Variants in CTNND2 observed in about 807,000 individuals in gnomAD.
The protein encoded by CTNND2 is catenin delta 2.
Under a neutral mutation model 144.4 loss-of-function variants are expected in CTNND2, and 22 were observed. The ratio of observed to expected loss-of-function variants is 0.15; its 90% confidence interval spans 0.11 to 0.22. The LOEUF is 0.22. Among genes scored for constraint, CTNND2 ranks in the 10% least tolerant of loss-of-function variants. The probability of loss-of-function intolerance (pLI) is 1.00; values close to 1 mark genes in which losing one functional copy is unlikely to be tolerated. For missense variants in CTNND2, 1,353 were observed against 1,618.8 expected (o/e 0.84, Z 2.82); for synonymous variants, 751 against 695.6 (o/e 1.08, Z -1.25).
intron 16 of CTNND2, among the ~76,000 whole-genome samples, chr5:11,045,703 G>A (rs1261586427): frequency 6.6e-6 from 1 of 152,098 alleles, no homozygotes; most frequent in Non-Finnish European, 1.5e-5. Flanking sequence ...AATCTAGGAT[G>A]ATCTCATCTC....
intron 11 of CTNND2, among the ~76,000 whole-genome samples, chr5:11,189,881 TG>T (rs919072469): frequency 2.0e-4 from 31 of 152,316 alleles, no homozygotes; most frequent in African/African-American, 7.5e-4. Flanking sequence ...GTTAAAGGTG[TG>T]GATTTCCTAA....
chr5:11,534,815 C>T (rs3846600), intron 3 of CTNND2, among the ~76,000 whole-genome samples: 63,075 of 151,922 alleles, frequency 0.42, 13,863 homozygotes, highest in Middle Eastern at 0.59. Flanking sequence ...AGTTTTTCCT[C>T]GAAGACTTTG....
chr5:11,253,876 G>T (rs995977378), intron 9 of CTNND2, among the ~76,000 whole-genome samples: 16 of 152,180 alleles, frequency 1.1e-4, no homozygotes, highest in Non-Finnish European at 2.9e-5. Flanking sequence ...ATTTGAAACA[G>T]ATATTTTCTT....
At chr5:11,366,307 T>C (rs1351863292) in intron 7 of CTNND2, among the ~76,000 whole-genome samples, 1 of 152,234 alleles carries the variant, frequency 6.6e-6, no homozygotes, top group Admixed American at 6.5e-5. Flanking sequence ...ACTTTAAATT[T>C]AAGTACACAG....
chr5:11,784,306 AT>A (rs1221606238), intron 1 of CTNND2, among the ~76,000 whole-genome samples: 1 of 152,258 alleles, frequency 6.6e-6, no homozygotes, highest in Non-Finnish European at 1.5e-5. Flanking sequence ...CTTGTGAAAA[AT>A]AACTTGATTT....
chr5:11,293,141 C>T (rs545093305), intron 9 of CTNND2, among the ~76,000 whole-genome samples: 1 of 152,274 alleles, frequency 6.6e-6, no homozygotes, highest in East Asian at 1.9e-4. Flanking sequence ...GCACCTAGTT[C>T]AAGGTCACTC....
intron 16 of CTNND2, among the ~76,000 whole-genome samples, chr5:11,075,014 A>G (rs1418877519): frequency 1.3e-5 from 2 of 151,570 alleles, no homozygotes; most frequent in East Asian, 3.9e-4. Flanking sequence ...CATGTGGGGA[A>G]AGGAATAGCA....
At chr5:11,612,419 T>A (rs1780376202) in intron 2 of CTNND2, among the ~76,000 whole-genome samples, 1 of 152,226 alleles carries the variant, frequency 6.6e-6, no homozygotes, top group Non-Finnish European at 1.5e-5. Flanking sequence ...AAATTACTAA[T>A]GGCCTAAATA....
chr5:11,119,698 TG>T (rs1753886991), intron 12 of CTNND2, among the ~76,000 whole-genome samples: 1 of 152,248 alleles, frequency 6.6e-6, no homozygotes, highest in South Asian at 2.1e-4. Context: ...CAGACCTCTT[TG>T]GCCAGAAGAA....
intron 3 of CTNND2, among the ~76,000 whole-genome samples, chr5:11,558,215 T>C (rs1776381176): frequency 6.6e-6 from 1 of 152,212 alleles, no homozygotes; most frequent in Admixed American, 6.5e-5. Context: ...CCATGGCAGG[T>C]ACCATCTTGG....
intron 3 of CTNND2, among the ~76,000 whole-genome samples, chr5:11,506,651 C>G (rs1771064521): frequency 6.6e-6 from 1 of 152,162 alleles, no homozygotes; most frequent in South Asian, 2.1e-4. Context: ...CCCATAACAC[C>G]ATGCTGTTTA....
At chr5:11,431,495 A>G (rs1448305612) in intron 3 of CTNND2, among the ~76,000 whole-genome samples, 1 of 152,220 alleles carries the variant, frequency 6.6e-6, no homozygotes, top group Non-Finnish European at 1.5e-5. Context: ...GCTTTCTAGC[A>G]TCTTAAGGCA....
chr5:11,039,309 C>G (rs1010808338), intron 16 of CTNND2, among the ~76,000 whole-genome samples: 1 of 152,194 alleles, frequency 6.6e-6, no homozygotes, highest in Admixed American at 6.5e-5. Context: ...TAATTTTGTA[C>G]TTAGTTTTAA....
At chr5:11,350,490 T>C (rs940328330) in intron 8 of CTNND2, among the ~76,000 whole-genome samples, 5 of 152,134 alleles carry the variant, frequency 3.3e-5, no homozygotes, top group African/African-American at 1.2e-4. Context: ...TCAAAAAGAT[T>C]ATATATTTAA....
Position 11,276,065 on chromosome 5 carries a change from A to G in CTNND2, c.1629-39242T>C, listed in dbSNP as rs965274390. ...TTTTCCAGAACACAAATAATGATGT[A>G]TTGATTTAAAACAAATAAATCATAC... is the stretch of plus-strand genomic sequence containing the variant. On this transcript the variant is annotated intron_variant, in intron 9 of 21. Coordinates refer to ENST00000304623, the MANE Select transcript of CTNND2 (RefSeq NM_001332.4). 3.9e-5 allele frequency among the ~76,000 whole-genome samples: 6 copies of G among 152,346 alleles called. No homozygotes were observed. In the Middle Eastern group the frequency reaches 0.017, roughly 432 times the overall value.
chr5:11,459,447 T>C (rs1323716734), intron 3 of CTNND2, among the ~76,000 whole-genome samples: 1 of 152,228 alleles, frequency 6.6e-6, no homozygotes, highest in East Asian at 1.9e-4. Context: ...TTGTTTTGTC[T>C]TATTAAATAC....
At position 11,397,013 on chromosome 5, in the gene CTNND2, A is replaced by T; in HGVS notation, c.612+18T>A. ...TCCCCTTGGAGTCCACTGACACCAT[A>T]CAGCACTGGGTACCTACCTGGCTGA... is the stretch of plus-strand genomic sequence containing the variant. On this transcript the variant is annotated intron_variant, in intron 6 of 21. Coordinates refer to ENST00000304623, the MANE Select transcript of CTNND2 (RefSeq NM_001332.4). 4 of 1,609,938 alleles carry T rather than the reference A, an allele frequency of 2.5e-6. No individual in the cohort carries two copies. The highest frequency in any genetic ancestry group is 3.4e-6 in the Non-Finnish European group (4 of 1,178,272).
chr5:11,269,563 A>G (rs893615523), intron 9 of CTNND2, among the ~76,000 whole-genome samples: 1 of 152,206 alleles, frequency 6.6e-6, no homozygotes, highest in East Asian at 1.9e-4. Flanking sequence ...TTGTACTGTA[A>G]TGGGGTTGAA....
chr5:11,745,225 T>C (rs927112030), intron 1 of CTNND2, among the ~76,000 whole-genome samples: 1 of 152,200 alleles, frequency 6.6e-6, no homozygotes, highest in African/African-American at 2.4e-5. Flanking sequence ...GTGTGGCACA[T>C]ACATTGTTGG....
Sources: gnomAD v4.1 joint callset for allele counts (sites outside exome capture counted in the v4.1 genomes callset) on GRCh38, gnomAD v4.1.1 for gene constraint, MANE v1.5 for transcripts, NCBI Gene and HGNC (gene_info 2026-07-23, HGNC 2026-07-21) for gene names.